The following PSMD9 variants were observed in gnomAD, a reference collection of about 807,000 sequenced individuals.
PSMD9 encodes the protein 26S proteasome non-ATPase regulatory subunit 9.
In PSMD9, 26 loss-of-function variants were observed where a neutral mutation model predicts 25.9. The observed-to-expected ratio is 1.00, with a 90% CI of 0.73 to 1.39. The LOEUF is 1.39. PSMD9 is among the 40% of genes most tolerant of loss of function. The probability of loss-of-function intolerance (pLI) is 0.00; values close to 1 mark genes in which losing one functional copy is unlikely to be tolerated. For synonymous variants in PSMD9, 110 were observed against 114.5 expected (o/e 0.96, Z 0.25); for missense variants, 303 against 299.3 (o/e 1.01, Z -0.09).
chr12:121,905,795 G>A (rs1042390619), intron 4 of PSMD9, among the ~76,000 whole-genome samples: 2 of 151,836 alleles, frequency 1.3e-5, no homozygotes, highest in African/African-American at 4.9e-5. Flanking sequence ...GCCTCCCAAA[G>A]TTCTGGGATT....
chr12:121,913,226 G>GCC (rs1565896136), intron 4 of PSMD9, among the ~76,000 whole-genome samples: 44 of 151,780 alleles, frequency 2.9e-4, no homozygotes, highest in Admixed American at 2.3e-3. Context: ...TTACAGGCGT[G>GCC]AGCCACCGCG....
rs1163904959 is a variant in PSMD9 at position 121,901,007 on chromosome 12, A to G, written c.453+1162A>G. ...GTCTAAAAAAAAAAAAAAAAAAAAAAGGAGATGGGGTTTCGCTCTGTTGCG... is the reference window on the plus strand; with the variant it reads ...GTCTAAAAAAAAAAAAAAAAAAAAAGGGAGATGGGGTTTCGCTCTGTTGCG... On this transcript the variant is annotated intron_variant, in intron 3 of 5. Transcript: ENST00000541212. Among the ~76,000 whole-genome samples the G allele has an allele frequency of 2.0e-5, 3 of 148,596 alleles. No homozygotes were observed. The South Asian group carries it at 6.3e-4, about 31-fold the overall frequency.
At chr12:121,901,926 C>G (rs564008776) in intron 3 of PSMD9, 1 of 152,120 alleles carries the variant, frequency 6.6e-6, no homozygotes, top group Admixed American at 6.5e-5. Flanking sequence ...CGTGATCCGC[C>G]CGCCTCAGCC....
Position 121,899,768 on chromosome 12 carries a change from C to T in PSMD9, c.376C>T (p.Gln126Ter). 1 of 1,614,064 alleles carries T rather than the reference C, an allele frequency of 6.2e-7. No individual in the cohort carries two copies. The highest frequency in any genetic ancestry group is 8.5e-7 in the Non-Finnish European group (1 of 1,179,948). ...AGAGGCCATGAGCCGCAAACTGGGT[C>T]AGAGTGAGAGCCAGGGCCCTCCACG... is the stretch of plus-strand genomic sequence containing the variant. Reference protein sequence around the residue: ...HKEAMSRKLGQSESQGPPRAF... With the variant: ...HKEAMSRKLG The change falls in exon 3 of 6, where the codon CAG (glutamine) becomes TAG (stop). Residue 126 changes from glutamine to a stop codon, truncating the protein, a stop_gained. Transcript: ENST00000541212. LOFTEE classifies it high-confidence loss of function.
At chr12:121,896,240 C>A (rs938520299) in intron 2 of PSMD9, among the ~76,000 whole-genome samples, 1 of 150,910 alleles carries the variant, frequency 6.6e-6, no homozygotes, top group Non-Finnish European at 1.5e-5. Flanking sequence ...GAAGCCAAGG[C>A]GGGCAGATCA....
In PSMD9 at chr12:121,888,855, C is replaced by T. The variant is rs757656020; in HGVS notation, c.-2C>T. 2.5e-6 allele frequency: 4 copies of T among 1,601,858 alleles called. No individual in the cohort carries two copies. Among genetic ancestry groups the T allele is most frequent in the African/African-American group, 1.3e-5 (1 of 74,796 alleles). On this transcript the variant is annotated 5_prime_UTR_variant, in exon 1 of 6. The change creates a new upstream start codon in the 5' untranslated region. Transcript: ENST00000541212. ...CTCTGGAGTCGCGGCCCGGGGTTCACGATGTCCGACGAGGAAGCGAGGCAG... is the reference window on the plus strand; with the variant it reads ...CTCTGGAGTCGCGGCCCGGGGTTCATGATGTCCGACGAGGAAGCGAGGCAG...
intron 4 of PSMD9, chr12:121,911,071 G>A (rs113109361): frequency 4.5e-5 from 20 of 448,622 alleles, no homozygotes; most frequent in Admixed American, 7.1e-5. Flanking sequence ...ATGGTGTCTC[G>A]CTCTGTTGCC....
chr12:121,912,072 C>A (rs1269520357), intron 4 of PSMD9, among the ~76,000 whole-genome samples: 7 of 147,222 alleles, frequency 4.8e-5, no homozygotes, highest in Admixed American at 1.4e-4. Context: ...GAGACAGGTT[C>A]TCTGTTGCCA....
intron 4 of PSMD9, among the ~76,000 whole-genome samples, chr12:121,911,999 G>GAGCT (rs1879736743): frequency 6.7e-6 from 1 of 148,306 alleles, no homozygotes; most frequent in South Asian, 2.1e-4. Flanking sequence ...TTTCTGGAAT[G>GAGCT]AGCTTGCTTA....
chr12:121,892,271 A>G (rs941523173), intron 1 of PSMD9, among the ~76,000 whole-genome samples: 4 of 152,194 alleles, frequency 2.6e-5, no homozygotes, highest in African/African-American at 9.6e-5. Context: ...TGGTCAATAC[A>G]AATGGTCAAT....
chr12:121,913,749 T>A (rs933359226), intron 4 of PSMD9, among the ~76,000 whole-genome samples: 6 of 152,152 alleles, frequency 3.9e-5, no homozygotes, highest in Non-Finnish European at 4.4e-5. Context: ...TCCTCCTGCC[T>A]GGGCCTCTGA....
At chr12:121,906,136 CCTT>C (rs1879547670) in intron 4 of PSMD9, among the ~76,000 whole-genome samples, 1 of 151,980 alleles carries the variant, frequency 6.6e-6, no homozygotes, top group African/African-American at 2.4e-5. Context: ...GCTTATAAAT[CCTT>C]CTTTATAAAA....
intron 4 of PSMD9, among the ~76,000 whole-genome samples, chr12:121,913,229 C>T (rs939599729): frequency 3.3e-5 from 5 of 151,868 alleles, no homozygotes; most frequent in African/African-American, 7.3e-5. Context: ...CAGGCGTGAG[C>T]CACCGCGCCT....
intron 2 of PSMD9, 41 bp downstream of exon 2, chr12:121,894,882 G>T: frequency 6.4e-7 from 1 of 1,552,598 alleles, no homozygotes; most frequent in East Asian, 2.3e-5. Flanking sequence ...CCTTGTGGTG[G>T]GAAGGTGTTA....
At chr12:121,896,469 G>A (rs979755481) in intron 2 of PSMD9, among the ~76,000 whole-genome samples, 2 of 151,198 alleles carry the variant, frequency 1.3e-5, no homozygotes, top group Admixed American at 1.3e-4. Context: ...ACAAAACTCT[G>A]TCTCAAAAAA....
At chr12:121,903,835 G>A (rs528768305) in intron 4 of PSMD9, among the ~76,000 whole-genome samples, 88 of 150,276 alleles carry the variant, frequency 5.9e-4, no homozygotes, top group African/African-American at 1.9e-3. Context: ...ACTACCTCAC[G>A]GCTAATTTTT....
chr12:121,901,592 C>T (rs539883093), intron 3 of PSMD9, among the ~76,000 whole-genome samples: 18 of 151,140 alleles, frequency 1.2e-4, no homozygotes, highest in African/African-American at 2.2e-4. Context: ...TGGCCTCAAG[C>T]GATCCTTCTT....
chr12:121,896,745 A>G (rs1879240420), intron 2 of PSMD9, among the ~76,000 whole-genome samples: 1 of 151,404 alleles, frequency 6.6e-6, no homozygotes, highest in Admixed American at 6.6e-5. Context: ...TTGAGGCAGG[A>G]GAATCACTTG....
At position 121,899,666 on chromosome 12, in the gene PSMD9, C is replaced by G. The variant is rs1879330849; in HGVS notation, c.274C>G (p.Gln92Glu). The change falls in exon 3 of 6, where the codon CAG (glutamine) becomes GAG (glutamate). Residue 92 changes from glutamine to glutamate, a missense_variant. Gln to Glu is a conservative substitution (Grantham distance 29). Coordinates refer to ENST00000541212, the MANE Select transcript of PSMD9 (RefSeq NM_002813.7). ...GAATGATCACAAGGCAGTGATGAAG[C>G]AGGTGGAGGAGGCCCTGCACCAGCT... ...LQNDHKAVMK[Q>E]VEEALHQLHA... 2 of 1,612,238 alleles carry G rather than the reference C, an allele frequency of 1.2e-6. No homozygotes were observed. The highest frequency in any genetic ancestry group is 1.1e-5 in the South Asian group (1 of 90,752).
Sources: gnomAD v4.1 joint callset for allele counts (sites outside exome capture counted in the v4.1 genomes callset) on GRCh38, gnomAD v4.1.1 for gene constraint, MANE v1.5 for transcripts, NCBI Gene and HGNC (gene_info 2026-07-23, HGNC 2026-07-21) for gene names.